Variants in SCARA3 observed in about 807,000 individuals in gnomAD.
The protein encoded by SCARA3 is scavenger receptor class A member 3, also known as cellular stress response gene protein.
A neutral mutation model predicts 47.0 loss-of-function variants in SCARA3; 39 were observed. That is an observed-to-expected ratio of 0.83 (90% confidence interval 0.64 to 1.08). The LOEUF (loss-of-function observed/expected upper bound fraction) is 1.08, where lower values mean the gene tolerates loss of function less well. SCARA3 is among the 50% of genes least tolerant of loss of function. SCARA3 has a pLI of 0.00. For missense variants in SCARA3, 724 were observed against 792.3 expected, an observed-to-expected ratio of 0.91 and a Z score of 1.04; for synonymous variants, 356 against 334.1, an observed-to-expected ratio of 1.07 and a Z score of -0.71.
intron 1 of SCARA3, among the ~76,000 whole-genome samples, chr8:27,646,996 A>G (rs1347035996): frequency 8.8e-5 from 3 of 33,986 alleles, no homozygotes; most frequent in Non-Finnish European, 1.5e-4. Context: ...CACACACACT[A>G]TTGCCCCGGA....
At chr8:27,731,298 G>A in the SCARA3 span, among the ~76,000 whole-genome samples, 1 of 151,188 alleles carries the variant, frequency 6.6e-6, no homozygotes, top group African/African-American at 2.4e-5. Flanking sequence ...GAGGGTCTCA[G>A]TATCTTGCCC....
chr8:27,652,695 A>G (rs1234536793), intron 3 of SCARA3, among the ~76,000 whole-genome samples: 1 of 152,178 alleles, frequency 6.6e-6, no homozygotes, highest in Non-Finnish European at 1.5e-5. Context: ...ATCCAACAAA[A>G]GCCGGGAGCC....
chr8:27,672,796 C>A lies in SCARA3; in HGVS notation c.*1445C>A, dbSNP rs1380150151. Reference sequence around the variant, plus strand: ...CATGTTCAAACAGATTCAGGCACCACCCCCTCCACCGCCCGCAAGGTTAGG... The same window carrying A: ...CATGTTCAAACAGATTCAGGCACCAACCCCTCCACCGCCCGCAAGGTTAGG... On this transcript the variant is annotated 3_prime_UTR_variant, in exon 6 of 6. Transcript: ENST00000301904. 4.1e-6 allele frequency: 4 copies of A among 985,524 alleles called. No homozygotes were observed. Among genetic ancestry groups the A allele is most frequent in the Non-Finnish European group, 4.8e-6 (4 of 830,094 alleles). The allele number at this position is 985,524 out of a possible 1,614,324, so 61.0% of individuals were successfully genotyped here.
At chr8:27,694,438 A>T in the SCARA3 span, among the ~76,000 whole-genome samples, 1 of 152,202 alleles carries the variant, frequency 6.6e-6, no homozygotes. Flanking sequence ...ATCTACACAG[A>T]GATATAGAGA....
At chr8:27,698,699 G>A in the SCARA3 span, among the ~76,000 whole-genome samples, 8 of 152,066 alleles carry the variant, frequency 5.3e-5, no homozygotes. Context: ...AAAACCCATT[G>A]CATCTCTATA....
intron 1 of SCARA3, among the ~76,000 whole-genome samples, chr8:27,635,333 G>A (rs755221587): frequency 3.9e-4 from 60 of 152,166 alleles, no homozygotes; most frequent in Admixed American, 1.9e-3. Context: ...TAGGGAAACT[G>A]AGGCCCAAGC....
the SCARA3 span, among the ~76,000 whole-genome samples, chr8:27,686,043 C>T: frequency 1.3e-5 from 2 of 152,214 alleles, no homozygotes; most frequent in South Asian, 2.1e-4. Context: ...ATGCAATGTG[C>T]GGACTGTGTT....
At chr8:27,702,346 C>T in the SCARA3 span, 1 of 152,312 alleles carries the variant, frequency 6.6e-6, no homozygotes, top group African/African-American at 2.4e-5. Context: ...CCAAGTGGCC[C>T]ACAGTTTCCT....
Position 27,671,323 on chromosome 8 carries a change from G to A in SCARA3, c.1793G>A (p.Gly598Asp). 2 of 1,426,806 alleles carry A rather than the reference G, an allele frequency of 1.4e-6. No homozygotes were observed. The highest frequency in any genetic ancestry group is 3.1e-5 in the South Asian group (2 of 64,556). 88.4% of individuals were successfully genotyped at this position (1,426,806 alleles called of 1,614,324 possible). Residue 598 changes from glycine to aspartate, a missense_variant, in exon 6 of 6, where the codon GGT becomes GAT. Coordinates refer to ENST00000301904, the MANE Select transcript of SCARA3 (RefSeq NM_016240.3). ...QGPPGLPGPP[G>D]PPGSQSFY ...CCCCCTGGTCTCCCGGGGCCTCCAG[G>A]TCCACCAGGAAGCCAGAGCTTCTAC...
At chr8:27,666,742 C>T (rs544053384) in intron 5 of SCARA3, among the ~76,000 whole-genome samples, 2 of 152,300 alleles carry the variant, frequency 1.3e-5, no homozygotes, top group African/African-American at 4.8e-5. Context: ...ACCATGGGCT[C>T]CTCCTGGGCC....
intron 1 of SCARA3, among the ~76,000 whole-genome samples, chr8:27,643,552 G>A (rs1801427930): frequency 6.6e-6 from 1 of 152,246 alleles, no homozygotes; most frequent in Non-Finnish European, 1.5e-5. Flanking sequence ...GAAGCCTGTG[G>A]AGAGGGGGTA....
intron 1 of SCARA3, among the ~76,000 whole-genome samples, chr8:27,639,602 G>C (rs1004043675): frequency 2.0e-5 from 3 of 152,228 alleles, no homozygotes; most frequent in Non-Finnish European, 4.4e-5. Context: ...ACACGCGGTT[G>C]TGTCTGGTTG....
At chr8:27,652,105 G>C (rs1801645816) in intron 3 of SCARA3, among the ~76,000 whole-genome samples, 1 of 152,218 alleles carries the variant, frequency 6.6e-6, no homozygotes, top group Non-Finnish European at 1.5e-5. Context: ...CCTACCTGCA[G>C]CAATTTCACC....
chr8:27,684,090 T>C, the SCARA3 span, among the ~76,000 whole-genome samples: 1 of 152,200 alleles, frequency 6.6e-6, no homozygotes, highest in Non-Finnish European at 1.5e-5. Flanking sequence ...GTTTTTGCTG[T>C]CATGAAAATG....
chr8:27,668,586 G>A (rs1320165373), intron 5 of SCARA3, among the ~76,000 whole-genome samples: 1 of 151,564 alleles, frequency 6.6e-6, no homozygotes. Context: ...TAGGCCAGGT[G>A]GGATGGCTCA....
chr8:27,733,716 T>A, the SCARA3 span: 1 of 152,384 alleles, frequency 6.6e-6, no homozygotes. Flanking sequence ...ATTTACATGC[T>A]GTACCTCAAA....
At chr8:27,673,928 A>T (rs1802221882), downstream of SCARA3, among the ~76,000 whole-genome samples, 1 of 152,134 alleles carries the variant, frequency 6.6e-6, no homozygotes, top group African/African-American at 2.4e-5. Flanking sequence ...TCATGGGACA[A>T]ACCAAGGACT....
chr8:27,677,580 C>T (rs1487140006), downstream of SCARA3, among the ~76,000 whole-genome samples: 4 of 152,186 alleles, frequency 2.6e-5, no homozygotes, highest in Admixed American at 2.6e-4. Context: ...AGAGTAGCAG[C>T]TATTCTAGAC....
In SCARA3 at chr8:27,656,792, A is replaced by T. The variant is rs1387688427; in HGVS notation, c.237A>T (p.Lys79Asn). ...VAVLASLVFRKVDSLSEDISL... is the reference protein window; with the variant it reads ...VAVLASLVFRNVDSLSEDISL... ...CTGTTTTCCCTACAGTTTTCAGAAAAGTGGACTCTCTCTCCGAAGACATCT... is the reference window on the plus strand; with the variant it reads ...CTGTTTTCCCTACAGTTTTCAGAAATGTGGACTCTCTCTCCGAAGACATCT... The change falls in exon 4 of 6, where the codon AAA becomes AAT. Residue 79 changes from lysine to asparagine, a missense_variant. By Grantham distance (94) the Lys-to-Asn change is moderately conservative (BLOSUM62 0). Coordinates refer to ENST00000301904, the MANE Select transcript of SCARA3 (RefSeq NM_016240.3). The T allele has an allele frequency of 6.2e-7, 1 of 1,607,856 alleles. No homozygotes were observed. The highest frequency in any genetic ancestry group is 8.5e-7 in the Non-Finnish European group (1 of 1,174,282).
Sources: allele counts gnomAD v4.1 joint callset (sites outside exome capture counted in the v4.1 genomes callset), GRCh38; gene constraint gnomAD v4.1.1; transcripts MANE v1.5; gene names NCBI Gene and HGNC (gene_info 2026-07-23, HGNC 2026-07-21).